Variants in CCDC157 observed in about 807,000 individuals in gnomAD.
CCDC157 encodes coiled-coil domain-containing protein 157.
CCDC157 carries 60 observed loss-of-function variants against 70.9 expected under a neutral mutation model. The observed-to-expected ratio is 0.85, with a 90% CI of 0.69 to 1.05. The LOEUF (loss-of-function observed/expected upper bound fraction) is 1.05, where lower values mean the gene tolerates loss of function less well. Ranked by LOEUF, CCDC157 falls within the 50% of genes least tolerant of loss-of-function variation. CCDC157 has a pLI of 0.00. For synonymous variants in CCDC157, 373 were observed against 422.4 expected, an observed-to-expected ratio of 0.88 and a Z score of 1.43; for missense variants, 943 against 984.2, an observed-to-expected ratio of 0.96 and a Z score of 0.56.
intron 7 of CCDC157, 148 bp from the exon 8 acceptor site, chr22:30,373,449 G>A (rs988652032): frequency 3.1e-5 from 25 of 818,144 alleles, no homozygotes; most frequent in East Asian, 2.7e-5. Context: ...ACCCTTCCAC[G>A]CATGTGACCA....
upstream of CCDC157, chr22:30,356,843 C>A (rs1931897263): frequency 3.1e-6 from 4 of 1,279,424 alleles, no homozygotes; most frequent in African/African-American, 3.1e-5. Context: ...TGAGCGGTGC[C>A]GCCTCAAGAC....
At chr22:30,371,057 AC>A in intron 5 of CCDC157, 107 bp downstream of exon 5, 1 of 1,374,430 alleles carries the variant, frequency 7.3e-7, no homozygotes, top group Non-Finnish European at 9.8e-7. Context: ...GTGTGGAAGA[AC>A]CCAGGCTGGG....
chr22:30,377,927 G>A lies in CCDC157; in HGVS notation c.*1182G>A, dbSNP rs1489943927. 5 of 344,292 alleles carry A rather than the reference G, an allele frequency of 1.5e-5. No individual in the cohort carries two copies. In the East Asian group the frequency reaches 2.3e-4, roughly 16 times the overall value. 21.3% of individuals were successfully genotyped at this position (344,292 alleles called of 1,614,324 possible). On this transcript the variant is annotated 3_prime_UTR_variant, in exon 12 of 12. Transcript: ENST00000338306. The stretch of plus-strand genomic sequence containing the variant: ...CTGTGTGGCTGGGTTTTTTTGCTCC[G>A]GGTCCCAGAGGGCTGAAATTGAGGC...
chr22:30,372,877 GT>G (rs1299050587), intron 7 of CCDC157: 1 of 153,490 alleles, frequency 6.5e-6, no homozygotes, highest in Non-Finnish European at 1.4e-5. Context: ...TCAGTTGAGA[GT>G]CCCCAGGGTC....
rs1569190679 is a variant in CCDC157 at position 30,372,129 on chromosome 22, G to GGCAGGTGCAGAAGCTGGAGGA, written c.1188_1189insAAGCTGGAGGAGCAGGTGCAG (p.Gln396_Gln397insLysLeuGluGluGlnValGln). 2 of 1,555,296 alleles carry GGCAGGTGCAGAAGCTGGAGGA rather than the reference G, an allele frequency of 1.3e-6. No homozygotes were observed. The highest frequency in any genetic ancestry group is 1.7e-6 in the Non-Finnish European group (2 of 1,150,310). ...GGTGAGCGCAGGGCGGCAGCGGAGAGGCAGGTGCAGCAGCTGGAGGAGCAG... is the reference window on the plus strand; with the variant it reads ...GGTGAGCGCAGGGCGGCAGCGGAGAGGCAGGTGCAGAAGCTGGAGGAGCAGGTGCAGCAGCTGGAGGAGCAG... On this transcript the variant is annotated inframe_insertion, in exon 7 of 12. Transcript: ENST00000338306.
At chr22:30,356,876 G>A (rs1486523946), upstream of CCDC157, 26 of 1,154,980 alleles carry the variant, frequency 2.3e-5, no homozygotes, top group Admixed American at 4.2e-5. Context: ...CGGTCAGTAC[G>A]ACGAGCTCGC....
intron 7 of CCDC157, 163 bp from the exon 8 acceptor site, chr22:30,373,434 C>T: frequency 2.7e-6 from 2 of 737,986 alleles, no homozygotes; most frequent in Non-Finnish European, 4.3e-6. Flanking sequence ...CTTCCCCCGA[C>T]CCCTACCCTT....
chr22:30,369,730 C>A, intron 4 of CCDC157, 127 bp downstream of exon 4: 1 of 711,716 alleles, frequency 1.4e-6, no homozygotes, highest in Non-Finnish European at 2.1e-6. Flanking sequence ...CCTTTACTGG[C>A]TCCCACCGCC....
At chr22:30,375,988 G>A in intron 10 of CCDC157, 1 of 528,060 alleles carries the variant, frequency 1.9e-6, no homozygotes, top group Non-Finnish European at 3.3e-6. Flanking sequence ...AGGAGTTTGA[G>A]ACCAGCCTGG....
chr22:30,368,376 C>T (rs912046461), intron 3 of CCDC157, among the ~76,000 whole-genome samples: 2 of 152,260 alleles, frequency 1.3e-5, no homozygotes, highest in Non-Finnish European at 2.9e-5. Context: ...ATGCCCTCTG[C>T]CCTACCTGAC....
chr22:30,369,742 T>C, intron 4 of CCDC157, 139 bp downstream of exon 4: 1 of 656,178 alleles, frequency 1.5e-6, no homozygotes, highest in Non-Finnish European at 2.4e-6. Flanking sequence ...CCCACCGCCC[T>C]CCCAATCAAG....
chr22:30,370,099 T>C, intron 4 of CCDC157: 1 of 629,054 alleles, frequency 1.6e-6, no homozygotes. Context: ...AGATCAAGCC[T>C]GGAGCTTGGG....
chr22:30,364,580 G>A lies in CCDC157; in HGVS notation c.-11-1410G>A, dbSNP rs181374752. 5.6e-3 allele frequency among the ~76,000 whole-genome samples: 846 copies of A among 152,270 alleles called. 5 individuals carry two copies. The highest frequency in any genetic ancestry group is 0.019 in the African/African-American group (805 of 41,560). On this transcript the variant is annotated intron_variant, in intron 2 of 11. Transcript: ENST00000338306. ...TCCCAGCACTTTTGGAGGCCAAGGT[G>A]GATGGATCACTTGAGGTCAGAAGAC...
chr22:30,371,280 TC>T, intron 5 of CCDC157: 1 of 484,246 alleles, frequency 2.1e-6, no homozygotes, highest in South Asian at 2.7e-5. Flanking sequence ...CCCTGGCACT[TC>T]CAGCCAAGCA....
Position 30,369,537 on chromosome 22 carries a change from C to T in CCDC157, c.354C>T (p.Leu118=). ...CGGGGCCCTGCATGTCCGTGGGGCT[C>T]ACGGTGCGGCGCTTCTGGGACAGCC... ...QAAGPCMSVG[L]TVRRFWDSLL... is the part of the protein sequence containing the mutation. The change falls in exon 4 of 12, where the codon CTC becomes CTT. Residue 118 remains leucine, a synonymous_variant. Transcript: ENST00000338306. The T allele has an allele frequency of 6.2e-7, 1 of 1,606,412 alleles. No homozygotes were observed. The highest frequency in any genetic ancestry group is 8.5e-7 in the Non-Finnish European group (1 of 1,176,312).
intron 2 of CCDC157, 128 bp downstream of exon 2, chr22:30,362,242 C>T (rs1932399265): frequency 6.6e-6 from 1 of 152,354 alleles, no homozygotes; most frequent in African/African-American, 2.4e-5. Context: ...CCAGGTCATA[C>T]CACACGCTCA....
In CCDC157 at chr22:30,372,394, T is replaced by A. The variant is rs1410393215; in HGVS notation, c.1335+108T>A. 13 of 1,364,344 alleles carry A rather than the reference T, an allele frequency of 9.5e-6. No homozygotes were observed. The East Asian group carries it at 2.8e-4, about 29-fold the overall frequency. The allele number at this position is 1,364,344 out of a possible 1,614,324, so 84.5% of individuals were successfully genotyped here. A position where few individuals can be genotyped will look rare whatever the true frequency, so the allele number is the denominator to read the frequency against. ...TCATCTATATTGGGCATCTGCTCCC[T>A]GAGATGCCTCCAGGTGTGGGGGTTG... On this transcript the variant is annotated intron_variant, in intron 7 of 11. Transcript: ENST00000338306.
rs778678526 is a variant in CCDC157, at chr22:30,373,623, G to A, written c.1362G>A (p.Leu454=). The change falls in exon 8 of 12, where the codon CTG becomes CTA. Residue 454 remains leucine (L), a synonymous_variant. Coordinates refer to ENST00000338306, the MANE Select transcript of CCDC157 (RefSeq NM_001017437.5). ...QESLQAKQRA[L]LKQLDSLDQE... ...CTCTGCAGGCCAAGCAGCGAGCCCT[G>A]CTAAAGCAGCTGGACAGCCTGGACC... 7.1e-6 allele frequency: 11 copies of A among 1,556,154 alleles called. No individual in the cohort carries two copies. The African/African-American group carries it at 8.2e-5, about 12-fold the overall frequency.
At chr22:30,361,259 A>G (rs980871878) in intron 1 of CCDC157, among the ~76,000 whole-genome samples, 4 of 151,378 alleles carry the variant, frequency 2.6e-5, no homozygotes, top group South Asian at 2.1e-4. Flanking sequence ...AAAAAAAAAA[A>G]AAAAAAGAAA....
Sources: allele counts gnomAD v4.1 joint callset (sites outside exome capture counted in the v4.1 genomes callset), GRCh38; gene constraint gnomAD v4.1.1; transcripts MANE v1.5; gene names NCBI Gene and HGNC (gene_info 2026-07-23, HGNC 2026-07-21).